ELAVL4: variants seen among roughly 807,000 people sequenced by gnomAD.
The protein encoded by ELAVL4 is ELAV like RNA binding protein 4.
Under a neutral mutation model 35.6 loss-of-function variants are expected in ELAVL4, and 1 was observed. The ratio of observed to expected loss-of-function variants is 0.03; its 90% confidence interval spans 0.01 to 0.13. ELAVL4 has a LOEUF of 0.13. Ranked by LOEUF, ELAVL4 falls within the 10% of genes least tolerant of loss-of-function variation. ELAVL4 has a pLI of 1.00. For synonymous variants in ELAVL4, 156 were observed against 171.0 expected (o/e 0.91, Z 0.69); for missense variants, 267 against 464.9 (o/e 0.57, Z 3.91).
intron 1 of ELAVL4, among the ~76,000 whole-genome samples, chr1:50,077,488 TTAGGGAGGGCAAATGACTTTTTTCCGTC>T (rs1273292832): frequency 6.6e-6 from 1 of 152,126 alleles, no homozygotes; most frequent in East Asian, 1.9e-4. Context: ...CCCACCCAAA[TTAGGGAGGGCAAATGACTTTTTTCCGTC>T]TAGGGAGGGC....
chr1:50,064,374 T>C (rs1664157119), intron 1 of ELAVL4, among the ~76,000 whole-genome samples: 1 of 152,156 alleles, frequency 6.6e-6, no homozygotes, highest in Non-Finnish European at 1.5e-5. Flanking sequence ...ATGGCTTGCA[T>C]TGCTTCTTGG....
At chr1:50,151,914 G>A (rs189394204) in intron 2 of ELAVL4, among the ~76,000 whole-genome samples, 55 of 152,194 alleles carry the variant, frequency 3.6e-4, no homozygotes, top group African/African-American at 1.3e-3. Context: ...CAAAACAGGA[G>A]AATTGGAGTC....
Position 50,109,083 on chromosome 1 carries a change from T to C in ELAVL4, c.-107T>C, listed in dbSNP as rs1666634626. The C allele has an allele frequency of 7.7e-7, 1 of 1,293,596 alleles. No homozygotes were observed. Among genetic ancestry groups the C allele is most frequent in the Non-Finnish European group, 9.9e-7 (1 of 1,013,754 alleles). The allele number at this position is 1,293,596 out of a possible 1,614,324, so 80.1% of individuals were successfully genotyped here. A position where few individuals can be genotyped will look rare whatever the true frequency, so the allele number is the denominator to read the frequency against. On this transcript the variant is annotated 5_prime_UTR_variant, in exon 1 of 7. Transcript: ENST00000371824. Reference sequence around the variant, plus strand: ...CATCCACACTGTGTTTTGTGGATCTTTAATTATATATAACAATAGTAGTCA... The same window carrying C: ...CATCCACACTGTGTTTTGTGGATCTCTAATTATATATAACAATAGTAGTCA...
chr1:50,108,692 T>A (rs1330114860), upstream of ELAVL4, among the ~76,000 whole-genome samples: 1 of 152,164 alleles, frequency 6.6e-6, no homozygotes, highest in Non-Finnish European at 1.5e-5. Flanking sequence ...AATACAAGTA[T>A]GGCTGTTGTT....
rs1644416710 is a variant in ELAVL4, at chr1:50,202,118, T to C, written c.*940T>C. ...ATAAACAGATGATCTTCATATCTTT[T>C]CATAGCATGTAATAATAATTAAAAA... is the stretch of plus-strand genomic sequence containing the variant. On this transcript the variant is annotated 3_prime_UTR_variant, in exon 7 of 7. Coordinates refer to ENST00000371824, the MANE Select transcript of ELAVL4 (RefSeq NM_001144774.3). The C allele has an allele frequency of 6.6e-6, 1 of 152,142 alleles. No individual in the cohort carries two copies. The highest frequency in any genetic ancestry group is 2.4e-5 in the African/African-American group (1 of 41,438). 9.4% of individuals were successfully genotyped at this position (152,142 alleles called of 1,614,324 possible). A position where few individuals can be genotyped will look rare whatever the true frequency, so the allele number is the denominator to read the frequency against.
intron 1 of ELAVL4, among the ~76,000 whole-genome samples, chr1:50,064,140 G>A (rs1055742171): frequency 4.6e-5 from 7 of 152,134 alleles, no homozygotes; most frequent in African/African-American, 1.7e-4. Context: ...AATGTGTCTG[G>A]TGTGTCATAG....
chr1:50,061,446 A>C (rs891323971), intron 1 of ELAVL4, among the ~76,000 whole-genome samples: 2 of 152,186 alleles, frequency 1.3e-5, no homozygotes, highest in African/African-American at 4.8e-5. Context: ...TTTTAAAATT[A>C]CATGTAGTTG....
In ELAVL4 at chr1:50,195,607, G is replaced by A. The variant is rs1644004574; in HGVS notation, c.555G>A (p.Glu185=). Residue 185 remains glutamate (E), a synonymous_variant, in exon 5 of 7, where the codon GAG becomes GAA. Coordinates refer to ENST00000371824, the MANE Select transcript of ELAVL4 (RefSeq NM_001144774.3). ...TCATCCGCTTTGATAAGAGGATTGA[G>A]GCAGAAGAAGCCATCAAAGGGCTGA... ...VGFIRFDKRI[E]AEEAIKGLNG... is the part of the protein sequence containing the mutation. The A allele has an allele frequency of 6.2e-7, 1 of 1,614,192 alleles. No individual in the cohort carries two copies.
chr1:50,201,298 A>G lies in ELAVL4; in HGVS notation c.*120A>G. The G allele has an allele frequency of 1.6e-6, 2 of 1,246,818 alleles. No individual in the cohort carries two copies. The highest frequency in any genetic ancestry group is 2.1e-6 in the Non-Finnish European group (2 of 942,354). 77.2% of individuals were successfully genotyped at this position (1,246,818 alleles called of 1,614,324 possible). A position where few individuals can be genotyped will look rare whatever the true frequency, so the allele number is the denominator to read the frequency against. ...AACTTTTCAAGGCTTATATTCAACC[A>G]TGGACTTTATAAGCCAGTGTTGCCT... is the stretch of plus-strand genomic sequence containing the variant. On this transcript the variant is annotated 3_prime_UTR_variant, in exon 7 of 7. Coordinates refer to ENST00000371824, the MANE Select transcript of ELAVL4 (RefSeq NM_001144774.3). The surrounding 1 kb of genome is among the most constrained non-coding windows in gnomAD (Gnocchi z 4.3).
intron 1 of ELAVL4, among the ~76,000 whole-genome samples, chr1:50,113,501 C>T (rs1022543509): frequency 3.9e-5 from 6 of 152,022 alleles, no homozygotes; most frequent in African/African-American, 1.4e-4. Context: ...TGATCTGTGG[C>T]CACCAGGCAG....
intron 2 of ELAVL4, chr1:50,175,916 A>G (rs568891562): frequency 6.6e-6 from 1 of 152,144 alleles, no homozygotes; most frequent in Non-Finnish European, 1.5e-5. Context: ...CTTTGCTGAC[A>G]TGTGACGTCC....
chr1:50,150,931 A>G (rs1268230564), intron 2 of ELAVL4, among the ~76,000 whole-genome samples: 1 of 152,202 alleles, frequency 6.6e-6, no homozygotes, highest in African/African-American at 2.4e-5. Flanking sequence ...TGCTTTAAAT[A>G]TAGTAGCTTA....
chr1:50,162,126 C>T (rs1371175275), intron 2 of ELAVL4, among the ~76,000 whole-genome samples: 1 of 152,132 alleles, frequency 6.6e-6, no homozygotes, highest in Non-Finnish European at 1.5e-5. Flanking sequence ...TTATAAATTG[C>T]AATGATAATG....
intron 1 of ELAVL4, among the ~76,000 whole-genome samples, chr1:50,114,366 A>AGT (rs937003193): frequency 4.6e-5 from 7 of 152,078 alleles, no homozygotes; most frequent in African/African-American, 1.7e-4. Flanking sequence ...TTGGTGTGCA[A>AGT]GTGTGTGTGT....
At position 50,201,204 on chromosome 1, in the gene ELAVL4, A is replaced by G. The variant is rs1010025902; in HGVS notation, c.*26A>G. 3 of 1,512,804 alleles carry G rather than the reference A, an allele frequency of 2.0e-6. No individual in the cohort carries two copies. The highest frequency in any genetic ancestry group is 1.4e-5 in the South Asian group (1 of 73,972). The allele number at this position is 1,512,804 out of a possible 1,614,324, so 93.7% of individuals were successfully genotyped here. The stretch of plus-strand genomic sequence containing the variant: ...ATTTCCCATTCTTACTTACTAAAAT[A>G]TATATAGAAATATATACGAACAAAA... On this transcript the variant is annotated 3_prime_UTR_variant, in exon 7 of 7. Coordinates refer to ENST00000371824, the MANE Select transcript of ELAVL4 (RefSeq NM_001144774.3). This position sits in a 1 kb window ranked among gnomAD's most constrained non-coding sequence, Gnocchi z 4.3.
chr1:50,092,443 G>A (rs1271731994), intron 1 of ELAVL4, among the ~76,000 whole-genome samples: 1 of 152,206 alleles, frequency 6.6e-6, no homozygotes, highest in African/African-American at 2.4e-5. Flanking sequence ...CCCAACGGGG[G>A]CACCCTGGCA....
intron 2 of ELAVL4, among the ~76,000 whole-genome samples, chr1:50,160,883 G>A (rs569945645): frequency 2.6e-5 from 4 of 152,256 alleles, no homozygotes; most frequent in South Asian, 2.1e-4. Flanking sequence ...GCTTCTACAT[G>A]CGCTTTGTAA....
upstream of ELAVL4, among the ~76,000 whole-genome samples, chr1:50,108,065 A>T (rs1412770931): frequency 6.6e-6 from 1 of 152,202 alleles, no homozygotes; most frequent in African/African-American, 2.4e-5. Context: ...CTTTCTCTAA[A>T]GGGGTAGGAG....
intron 1 of ELAVL4, among the ~76,000 whole-genome samples, chr1:50,136,633 C>T (rs896661192): frequency 6.6e-6 from 1 of 152,088 alleles, no homozygotes; most frequent in Non-Finnish European, 1.5e-5. Context: ...CTCAGGTGTA[C>T]ACACCTGAGA....
Sources: allele counts gnomAD v4.1 joint callset (sites outside exome capture counted in the v4.1 genomes callset), GRCh38; gene constraint gnomAD v4.1.1; non-coding constraint Gnocchi (gnomAD v3.1); transcripts MANE v1.5; gene names NCBI Gene and HGNC (gene_info 2026-07-23, HGNC 2026-07-21).